The following ST7 variants were observed in gnomAD, a reference collection of about 807,000 sequenced individuals.
ST7 encodes the protein suppression of tumorigenicity 7.
In ST7, 28 loss-of-function variants were observed where a neutral mutation model predicts 78.7. The observed-to-expected ratio is 0.36, with a 90% CI of 0.26 to 0.49. The LOEUF is 0.49. ST7 is among the 20% of genes least tolerant of loss of function. The pLI, the probability that ST7 is intolerant of heterozygous loss-of-function variation, is 0.99. For synonymous variants in ST7, 247 were observed against 249.6 expected (o/e 0.99, Z 0.10); for missense variants, 418 against 696.0 (o/e 0.60, Z 4.49).
At chr7:116,979,341 T>C (rs1793844596) in intron 1 of ST7, among the ~76,000 whole-genome samples, 1 of 152,268 alleles carries the variant, frequency 6.6e-6, no homozygotes, top group Non-Finnish European at 1.5e-5. Context: ...GAGGCATTTC[T>C]CAAGATTCCA....
intron 1 of ST7, among the ~76,000 whole-genome samples, chr7:116,976,561 A>G (rs1793714734): frequency 6.6e-6 from 1 of 152,206 alleles, no homozygotes; most frequent in South Asian, 2.1e-4. Flanking sequence ...GTAAAACCTC[A>G]TGTGGGCCAT....
At chr7:117,002,133 C>G (rs991647420) in intron 1 of ST7, among the ~76,000 whole-genome samples, 1 of 152,050 alleles carries the variant, frequency 6.6e-6, no homozygotes, top group East Asian at 1.9e-4. Context: ...GAGGCTGAGG[C>G]AGGAGAATTG....
chr7:117,147,434 A>C (rs1190503881), intron 9 of ST7, among the ~76,000 whole-genome samples: 4 of 152,150 alleles, frequency 2.6e-5, no homozygotes, highest in African/African-American at 9.7e-5. Context: ...CATGTATCTC[A>C]GTACTAGGCT....
At chr7:117,121,375 T>C (rs1258331240) in intron 3 of ST7, among the ~76,000 whole-genome samples, 1 of 152,200 alleles carries the variant, frequency 6.6e-6, no homozygotes, top group Non-Finnish European at 1.5e-5. Context: ...TGTGTACCCT[T>C]TAGGATAAAA....
chr7:117,099,069 A>AAAAAAAAAAAAAT (rs1801363066), intron 1 of ST7, among the ~76,000 whole-genome samples: 1 of 148,790 alleles, frequency 6.7e-6, no homozygotes, highest in African/African-American at 2.5e-5. Flanking sequence ...AAAAAAACAA[A>AAAAAAAAAAAAAT]AAAAAAAGAA....
chr7:117,006,361 A>ACCT (rs1428941190), intron 1 of ST7, among the ~76,000 whole-genome samples: 2 of 152,178 alleles, frequency 1.3e-5, no homozygotes, highest in African/African-American at 2.4e-5. Context: ...ACCTATTCTG[A>ACCT]ATGGTTTGTA....
At chr7:117,198,246 G>A in intron 12 of ST7, 1 of 439,292 alleles carries the variant, frequency 2.3e-6, no homozygotes, top group African/African-American at 2.0e-5. Context: ...AATTCATTCA[G>A]TACCTGCTCA....
chr7:117,201,266 G>A (rs563481576), intron 12 of ST7, among the ~76,000 whole-genome samples: 1 of 152,096 alleles, frequency 6.6e-6, no homozygotes, highest in Non-Finnish European at 1.5e-5. Flanking sequence ...AATGTATTGT[G>A]GAAATATGAC....
chr7:117,105,799 G>A (rs892624816), intron 2 of ST7, among the ~76,000 whole-genome samples: 1 of 152,024 alleles, frequency 6.6e-6, no homozygotes, highest in African/African-American at 2.4e-5. Flanking sequence ...ATTACATGAA[G>A]GTATCAAATT....
At chr7:117,184,189 G>A (rs1387212541) in intron 10 of ST7, 3 of 152,260 alleles carry the variant, frequency 2.0e-5, no homozygotes, top group Non-Finnish European at 4.4e-5. Context: ...CAGCAGTTCA[G>A]CTTTGACTAA....
chr7:117,041,281 T>A (rs1164584574), intron 1 of ST7, among the ~76,000 whole-genome samples: 1 of 152,198 alleles, frequency 6.6e-6, no homozygotes, highest in Non-Finnish European at 1.5e-5. Context: ...GCAGATTGAT[T>A]GGTTATTCAT....
intron 12 of ST7, among the ~76,000 whole-genome samples, chr7:117,194,836 T>C (rs1435476596): frequency 6.6e-6 from 1 of 152,218 alleles, no homozygotes; most frequent in East Asian, 1.9e-4. Context: ...GAGACATTTC[T>C]ATCAGTGACC....
At chr7:116,977,065 C>G (rs1793737902) in intron 1 of ST7, among the ~76,000 whole-genome samples, 2 of 152,148 alleles carry the variant, frequency 1.3e-5, no homozygotes, top group Admixed American at 1.3e-4. Context: ...TAATCAGTTG[C>G]TCACTTTGGC....
chr7:116,978,519 A>T (rs975567508), intron 1 of ST7, among the ~76,000 whole-genome samples: 1 of 152,192 alleles, frequency 6.6e-6, no homozygotes, highest in Non-Finnish European at 1.5e-5. Context: ...ACTGACAAAG[A>T]TAGGGCACTA....
intron 1 of ST7, among the ~76,000 whole-genome samples, chr7:117,042,318 C>G (rs1234518248): frequency 6.6e-6 from 1 of 152,128 alleles, no homozygotes; most frequent in Non-Finnish European, 1.5e-5. Context: ...TCAGTTTGGG[C>G]TATTACAAGT....
intron 1 of ST7, chr7:116,954,092 C>T (rs1465803095): frequency 2.6e-5 from 4 of 151,904 alleles, no homozygotes; most frequent in Admixed American, 1.3e-4. Context: ...CCGAGTCCTT[C>T]CTCACGCCCT....
chr7:117,184,704 G>A lies in ST7; in HGVS notation c.1079-4617G>A, dbSNP rs193255680. 7.9e-5 allele frequency among the ~76,000 whole-genome samples: 12 copies of A among 152,242 alleles called. No homozygotes were observed. The East Asian group carries it at 2.3e-3, about 29-fold the overall frequency. On this transcript the variant is annotated intron_variant, in intron 10 of 15. Transcript: ENST00000323984. ...ATGGAACAGATCTATATCTTGGTGT[G>A]TTTACATGAATCTAGTTATGGGATG...
intron 2 of ST7, among the ~76,000 whole-genome samples, chr7:117,102,967 T>A (rs1356707170): frequency 6.6e-6 from 1 of 151,738 alleles, no homozygotes; most frequent in Non-Finnish European, 1.5e-5. Context: ...AAGAAAGCAA[T>A]CCCATTTACA....
intron 14 of ST7, among the ~76,000 whole-genome samples, chr7:117,221,076 G>T (rs906074193): frequency 6.6e-6 from 1 of 152,062 alleles, no homozygotes; most frequent in African/African-American, 2.4e-5. Flanking sequence ...TTCTCCTCCT[G>T]CAGGCCCGCC....
Sources: allele counts gnomAD v4.1 joint callset (sites outside exome capture counted in the v4.1 genomes callset), GRCh38; gene constraint gnomAD v4.1.1; transcripts MANE v1.5; gene names NCBI Gene and HGNC (gene_info 2026-07-23, HGNC 2026-07-21).